ADGRE2: variants seen among roughly 807,000 people sequenced by gnomAD.
ADGRE2 encodes the protein adhesion G protein-coupled receptor E2, also known as CD97 antigen.
In ADGRE2, 83 loss-of-function variants were observed where a neutral mutation model predicts 100.8. The observed-to-expected ratio is 0.82, with a 90% CI of 0.69 to 0.99. The LOEUF (loss-of-function observed/expected upper bound fraction) is 0.99, where lower values mean the gene tolerates loss of function less well. Among genes scored for constraint, ADGRE2 ranks in the 50% least tolerant of loss-of-function variants. ADGRE2 has a pLI of 0.00. For synonymous variants in ADGRE2, 355 were observed against 413.0 expected, an observed-to-expected ratio of 0.86 and a Z score of 1.70; for missense variants, 814 against 1,035.7, an observed-to-expected ratio of 0.79 and a Z score of 2.94.
chr19:14,749,722 A>G (rs71334744), intron 16 of ADGRE2, among the ~76,000 whole-genome samples: 9 of 119,092 alleles, frequency 7.6e-5, no homozygotes, highest in East Asian at 2.5e-4. Flanking sequence ...ATTTATAGCT[A>G]TGTTATGTAA....
chr19:14,732,687 A>C lies in ADGRE2; in HGVS notation c.*3549T>G, dbSNP rs2042683721. On this transcript the variant is annotated 3_prime_UTR_variant, in exon 21 of 21. Transcript: ENST00000315576. ...AATGATATTTTGTGTCACATGACTG[A>C]TATATGAAGTTCAAGCTCAGTGTCC... 1 of 152,248 alleles carries C rather than the reference A, an allele frequency of 6.6e-6. No homozygotes were observed. The highest frequency in any genetic ancestry group is 2.4e-5 in the African/African-American group (1 of 41,466). 9.4% of individuals were successfully genotyped at this position (152,248 alleles called of 1,614,324 possible).
At chr19:14,757,660 T>C (rs1296135266) in intron 11 of ADGRE2, among the ~76,000 whole-genome samples, 3 of 152,086 alleles carry the variant, frequency 2.0e-5, no homozygotes, top group African/African-American at 7.2e-5. Flanking sequence ...AACATGAAAA[T>C]AAGGAAGTTT....
At chr19:14,751,726 T>C (rs2043291881) in intron 15 of ADGRE2, 55 bp from the exon 16 acceptor site, 2 of 1,270,930 alleles carry the variant, frequency 1.6e-6, no homozygotes, top group Non-Finnish European at 1.1e-6. Flanking sequence ...GTGTGGCCCA[T>C]GGCTTCTCCT....
intron 5 of ADGRE2, chr19:14,772,021 G>A (rs557805338): frequency 1.3e-5 from 5 of 383,770 alleles, no homozygotes; most frequent in African/African-American, 1.0e-4. Flanking sequence ...AGGCATAGGA[G>A]TAGGCCATTA....
chr19:14,764,420 C>G lies in ADGRE2; in HGVS notation c.1084+13G>C, dbSNP rs377640409. 6.2e-7 allele frequency: 1 copy of G among 1,612,672 alleles called. No homozygotes were observed. Among genetic ancestry groups the G allele is most frequent in the African/African-American group, 1.3e-5 (1 of 75,038 alleles). On this transcript the variant is annotated intron_variant, in intron 11 of 20. Coordinates refer to ENST00000315576, the MANE Select transcript of ADGRE2 (RefSeq NM_013447.4). Reference sequence around the variant, plus strand: ...ATGCAGAGCTGGAGTCTGGGGCAGACCCAGGGACCTACCTGTGCCTGCAGG... The same window carrying G: ...ATGCAGAGCTGGAGTCTGGGGCAGAGCCAGGGACCTACCTGTGCCTGCAGG...
At chr19:14,742,170 G>T in intron 20 of ADGRE2, 1 of 398,100 alleles carries the variant, frequency 2.5e-6, no homozygotes, top group Non-Finnish European at 4.4e-6. Flanking sequence ...ACCCTCTTAG[G>T]GCATCACCCG....
chr19:14,763,335 T>C (rs1351890639), intron 11 of ADGRE2, among the ~76,000 whole-genome samples: 2 of 151,658 alleles, frequency 1.3e-5, no homozygotes, highest in Non-Finnish European at 2.9e-5. Context: ...AGAGTGAGAC[T>C]CTGTCTCAAA....
chr19:14,751,716 G>A (rs968312671), intron 15 of ADGRE2, 45 bp from the exon 16 acceptor site: 5 of 1,440,864 alleles, frequency 3.5e-6, no homozygotes, highest in Middle Eastern at 1.7e-4. Context: ...TCAGATTTGA[G>A]TGTGGCCCAT....
intron 4 of ADGRE2, among the ~76,000 whole-genome samples, chr19:14,773,098 A>G (rs865867902): frequency 2.4e-4 from 20 of 84,174 alleles, no homozygotes; most frequent in African/African-American, 8.5e-4. Context: ...AAAAAAAAAA[A>G]CAAAAAAAAA....
chr19:14,752,224 C>T (rs571402355), intron 15 of ADGRE2, 105 bp downstream of exon 15: 130 of 1,415,784 alleles, frequency 9.2e-5, no homozygotes, highest in South Asian at 2.5e-4. Context: ...TGAGCCACCA[C>T]GCCCAGCCGG....
chr19:14,754,212 C>T (rs4318327), intron 14 of ADGRE2, among the ~76,000 whole-genome samples: 64,213 of 151,494 alleles, frequency 0.42, 14,756 homozygotes, highest in African/African-American at 0.6. Flanking sequence ...CCTTGCTCCT[C>T]AGCCTGCAGA....
chr19:14,746,181 T>C, intron 18 of ADGRE2, 51 bp downstream of exon 18: 1 of 1,146,256 alleles, frequency 8.7e-7, no homozygotes, highest in Non-Finnish European at 1.3e-6. Flanking sequence ...ATGGCTTGGC[T>C]CTTGGGAACC....
Position 14,732,541 on chromosome 19 carries a change from A to G in ADGRE2, c.*3695T>C, listed in dbSNP as rs1382238877. On this transcript the variant is annotated 3_prime_UTR_variant, in exon 21 of 21. Coordinates refer to ENST00000315576, the MANE Select transcript of ADGRE2 (RefSeq NM_013447.4). ...TAGTGTAGAGTGAAGTGCTTCCATGAACCTGAACATCATGGTCTGGAAACT... is the reference window on the plus strand; with the variant it reads ...TAGTGTAGAGTGAAGTGCTTCCATGGACCTGAACATCATGGTCTGGAAACT... 1 of 152,194 alleles carries G rather than the reference A, an allele frequency of 6.6e-6. No homozygotes were observed. Among genetic ancestry groups the G allele is most frequent in the Non-Finnish European group, 1.5e-5 (1 of 68,036 alleles). 9.4% of individuals were successfully genotyped at this position (152,194 alleles called of 1,614,324 possible).
At position 14,772,214 on chromosome 19, in the gene ADGRE2, C is replaced by G. The variant is rs941650153; in HGVS notation, c.355+128G>C. On this transcript the variant is annotated intron_variant, in intron 5 of 20. Coordinates refer to ENST00000315576, the MANE Select transcript of ADGRE2 (RefSeq NM_013447.4). ...GCTGGCGAAACAGGTACATGCACAC[C>G]TGTCTCATCTCAGACTCCAGGAACT... 4.5e-6 allele frequency: 6 copies of G among 1,341,116 alleles called. No homozygotes were observed. In the East Asian group the frequency reaches 1.4e-4, roughly 31 times the overall value. 83.1% of individuals were successfully genotyped at this position (1,341,116 alleles called of 1,614,324 possible).
At position 14,766,958 on chromosome 19, in the gene ADGRE2, C is replaced by A. The variant is rs150053011; in HGVS notation, c.487+20G>T. 3.9e-6 allele frequency: 6 copies of A among 1,539,076 alleles called. No homozygotes were observed. Among genetic ancestry groups the A allele is most frequent in the African/African-American group, 1.5e-5 (1 of 68,908 alleles). On this transcript the variant is annotated intron_variant, in intron 6 of 20. Transcript: ENST00000315576. ...CCCCAGCTCCCGTCCAGCCTCACAG[C>A]GTCTTCCTGGGGCCTCTACCTGTGC...
chr19:14,766,420 C>A, intron 6 of ADGRE2, 39 bp from the exon 7 acceptor site: 2 of 1,560,006 alleles, frequency 1.3e-6, no homozygotes, highest in South Asian at 1.2e-5. Flanking sequence ...TGTCCCTGAC[C>A]AGCCTGGGCC....
intron 5 of ADGRE2, among the ~76,000 whole-genome samples, chr19:14,768,296 T>G (rs1044279801): frequency 6.6e-6 from 1 of 152,102 alleles, no homozygotes; most frequent in Non-Finnish European, 1.5e-5. Flanking sequence ...CAGGCCAGGG[T>G]GGACAGTGGG....
downstream of ADGRE2, chr19:14,731,354 C>T (rs772291804): frequency 3.9e-5 from 26 of 664,578 alleles, no homozygotes; most frequent in Non-Finnish European, 6.1e-5. Flanking sequence ...CCGTGACATC[C>T]GGGCTCCTTA....
rs1555786067 is a variant in ADGRE2, at chr19:14,759,504, T to TATATATATATA, written c.1085-3160_1085-3159insTATATATATAT. Among the ~76,000 whole-genome samples, 262 of 70,940 alleles carry TATATATATATA rather than the reference T, an allele frequency of 3.7e-3. 6 individuals carry two copies. The East Asian group carries it at 0.078, about 21-fold the overall frequency. The allele number at this position is 70,940 out of a possible 152,430, so 46.5% of individuals were successfully genotyped here. On this transcript the variant is annotated intron_variant, in intron 11 of 20. Coordinates refer to ENST00000315576, the MANE Select transcript of ADGRE2 (RefSeq NM_013447.4). ...TAAGTTATACATATATATATATATA[T>TATATATATATA]TTTTTTTTTTTAGACGGAGTCTCAC... is the stretch of plus-strand genomic sequence containing the variant.
Sources: allele counts gnomAD v4.1 joint callset (sites outside exome capture counted in the v4.1 genomes callset), GRCh38; gene constraint gnomAD v4.1.1; transcripts MANE v1.5; gene names NCBI Gene and HGNC (gene_info 2026-07-23, HGNC 2026-07-21).